Variants in ATP5F1B observed in about 807,000 individuals in gnomAD.
ATP5F1B encodes ATP synthase F1 subunit beta, also known as ATP synthase F(1) complex subunit beta, mitochondrial.
Under a neutral mutation model 45.9 loss-of-function variants are expected in ATP5F1B, and 17 were observed. That is an observed-to-expected ratio of 0.37 (90% confidence interval 0.25 to 0.56). ATP5F1B has a LOEUF of 0.56. Ranked by LOEUF, ATP5F1B falls within the 20% of genes least tolerant of loss-of-function variation. ATP5F1B has a pLI of 0.80. For synonymous variants in ATP5F1B, 218 were observed against 256.5 expected (o/e 0.85, Z 1.43); for missense variants, 387 against 673.2 (o/e 0.57, Z 4.70).
rs747376704 is a variant in ATP5F1B at position 56,640,110 on chromosome 12, G to A, written c.1157C>T (p.Ser386Leu). The A allele has an allele frequency of 5.6e-6, 9 of 1,613,988 alleles. No individual in the cohort carries two copies. Among genetic ancestry groups the A allele is most frequent in the South Asian group, 1.1e-5 (1 of 91,074 alleles). ...FAHLDATTVL[S>L]RAIAELGIYP... ...GATGCCCAGCTCAGCAATGGCACGC[G>A]ACAGTACAGTGGTAGCATCCAAATG... Residue 386 changes from serine to leucine, a missense_variant, in exon 8 of 10, where the codon TCG becomes TTG. Ser to Leu is a moderately radical substitution (Grantham distance 145). Transcript: ENST00000262030.
At position 56,644,999 on chromosome 12, in the gene ATP5F1B, G is replaced by A. The variant is rs749866737; in HGVS notation, c.311-44C>T. On this transcript the variant is annotated intron_variant, in intron 2 of 9. Transcript: ENST00000262030. ...GCAGGGTTATACATAAGGATAAATT[G>A]GTATCAAGACCTAAATCGACCAAGA... The A allele has an allele frequency of 7.4e-6, 12 of 1,613,738 alleles. No homozygotes were observed. In the East Asian group the frequency reaches 2.5e-4, roughly 33 times the overall value.
intron 7 of ATP5F1B, among the ~76,000 whole-genome samples, 179 bp from the exon 8 acceptor site, chr12:56,640,371 G>T (rs911846245): frequency 2.0e-5 from 3 of 151,982 alleles, no homozygotes; most frequent in African/African-American, 7.3e-5. Context: ...AGGACTACAG[G>T]TGCCCATCAC....
In ATP5F1B at chr12:56,645,856, A is replaced by G; in HGVS notation, c.108T>C (p.Ala36=). ...ACTTACCAGGATGGACCGCCGTCGGAGCGGCCCGCAGTAAGAGCTGAGCTG... is the reference window on the plus strand; with the variant it reads ...ACTTACCAGGATGGACCGCCGTCGGGGCGGCCCGCAGTAAGAGCTGAGCTG... ...LPPAQLLLRA[A]PTAVHPVRDY... Residue 36 remains alanine (A), a synonymous_variant, in exon 1 of 10, where the codon GCT becomes GCC. Transcript: ENST00000262030. The G allele has an allele frequency of 1.2e-6, 2 of 1,609,070 alleles. No individual in the cohort carries two copies. Among genetic ancestry groups the G allele is most frequent in the Non-Finnish European group, 8.5e-7 (1 of 1,177,980 alleles).
chr12:56,638,256 T>C lies in ATP5F1B; in HGVS notation c.*67A>G. The C allele has an allele frequency of 7.4e-7, 1 of 1,354,720 alleles. No individual in the cohort carries two copies. The highest frequency in any genetic ancestry group is 1.0e-6 in the Non-Finnish European group (1 of 954,226). The allele number at this position is 1,354,720 out of a possible 1,614,324, so 83.9% of individuals were successfully genotyped here. A position where few individuals can be genotyped will look rare whatever the true frequency, so the allele number is the denominator to read the frequency against. On this transcript the variant is annotated 3_prime_UTR_variant, in exon 10 of 10. Coordinates refer to ENST00000262030, the MANE Select transcript of ATP5F1B (RefSeq NM_001686.4). ...CTTCAATCAAGGCTCTTGTGCAGCC[T>C]ACACAGAAAAATGAAGCTTTTTGGG...
intron 7 of ATP5F1B, among the ~76,000 whole-genome samples, chr12:56,640,870 T>TAAA (rs59336396): frequency 0.019 from 1,877 of 99,470 alleles, 55 homozygotes; most frequent in African/African-American, 0.066. Flanking sequence ...GGGTCTCTAC[T>TAAA]AAAAAAAAAA....
chr12:56,644,979 G>A (rs758211885), intron 2 of ATP5F1B, 24 bp from the exon 3 acceptor site: 2 of 1,614,028 alleles, frequency 1.2e-6, no homozygotes, highest in Non-Finnish European at 1.7e-6. Flanking sequence ...GCATCGCAGG[G>A]TTATACATAA....
At position 56,643,962 on chromosome 12, in the gene ATP5F1B, TA is replaced by T; in HGVS notation, c.486-5del. Reference sequence around the variant, plus strand: ...CTCAGCATGAATGGGAGCAAATCTGTAAAGGTAGAAGAGAGGATAGTATCTA... The same window carrying T: ...CTCAGCATGAATGGGAGCAAATCTGTAAGGTAGAAGAGAGGATAGTATCTA... On this transcript the variant is annotated splice_polypyrimidine_tract_variant and splice_region_variant and intron_variant, in intron 3 of 9. Transcript: ENST00000262030. The T allele has an allele frequency of 6.2e-7, 1 of 1,613,806 alleles. No individual in the cohort carries two copies. The highest frequency in any genetic ancestry group is 8.5e-7 in the Non-Finnish European group (1 of 1,179,902).
Position 56,645,350 on chromosome 12 carries a change from C to T in ATP5F1B, c.131G>A (p.Arg44Lys). Residue 44 changes from arginine (R) to lysine (K), a missense_variant, in exon 2 of 10, where the codon AGG (arginine) becomes AAG (lysine). By Grantham distance (26) the Arg-to-Lys change is conservative. This residue lies in a region of ATP5F1B where 76 missense variants were observed against 62.0 expected (regional missense o/e 1.23). Transcript: ENST00000262030. ...AGGAGATGTTTGCGCCGCATAGTCC[C>T]TGACTAACAGACAAAAGATATTGGA... ...RAAPTAVHPV[R>K]DYAAQTSPSP... 6.2e-7 allele frequency: 1 copy of T among 1,612,714 alleles called. No individual in the cohort carries two copies. The highest frequency in any genetic ancestry group is 1.1e-5 in the South Asian group (1 of 91,028).
chr12:56,641,459 C>T (rs1368486606), intron 7 of ATP5F1B, among the ~76,000 whole-genome samples: 3 of 151,958 alleles, frequency 2.0e-5, no homozygotes, highest in Admixed American at 1.3e-4. Context: ...AGTTTAGCCA[C>T]ATTTTTACTA....
intron 7 of ATP5F1B, among the ~76,000 whole-genome samples, chr12:56,641,621 ACCT>A (rs1158597965): frequency 6.6e-6 from 1 of 151,774 alleles, no homozygotes; most frequent in Non-Finnish European, 1.5e-5. Context: ...GCTCACCACA[ACCT>A]CCTGCAACCT....
rs759557816 is a variant in ATP5F1B at position 56,645,248 on chromosome 12, C to T, written c.233G>A (p.Gly78Glu). ...GAVVDVQFDE[G>E]LPPILNALEV... ...CAGGGCATTTAGAATTGGTGGTAGT[C>T]CCTCATCAAACTGGACGTCCACCAC... Residue 78 changes from glycine (G) to glutamate (E), a missense_variant, in exon 2 of 10, where the codon GGA (glycine) becomes GAA (glutamate). Coordinates refer to ENST00000262030, the MANE Select transcript of ATP5F1B (RefSeq NM_001686.4). 10 of 1,614,122 alleles carry T rather than the reference C, an allele frequency of 6.2e-6. No homozygotes were observed. Among genetic ancestry groups the T allele is most frequent in the Admixed American group, 1.7e-5 (1 of 60,008 alleles).
At chr12:56,642,943 G>A (rs1162750712) in intron 5 of ATP5F1B, 112 bp from the exon 6 acceptor site, 7 of 1,200,734 alleles carry the variant, frequency 5.8e-6, no homozygotes, top group Non-Finnish European at 8.0e-6. Flanking sequence ...AGGTGTCAGC[G>A]TTTTTGTGTG....
chr12:56,645,678 G>A (rs1389651339), intron 1 of ATP5F1B, among the ~76,000 whole-genome samples, 159 bp downstream of exon 1: 4 of 152,198 alleles, frequency 2.6e-5, no homozygotes, highest in African/African-American at 9.7e-5. Flanking sequence ...AACCTCCTAT[G>A]GGTGTCCCAT....
intron 3 of ATP5F1B, among the ~76,000 whole-genome samples, chr12:56,644,209 T>A (rs1233111721): frequency 6.6e-6 from 1 of 152,204 alleles, no homozygotes; most frequent in Non-Finnish European, 1.5e-5. Context: ...ATTTTTCATT[T>A]TACTGAGCCT....
In ATP5F1B at chr12:56,641,962, C is replaced by G. The variant is rs567578457; in HGVS notation, c.1074+496G>C. 2.0e-5 allele frequency among the ~76,000 whole-genome samples: 3 copies of G among 152,100 alleles called. No individual in the cohort carries two copies. In the South Asian group the frequency reaches 6.3e-4, roughly 32 times the overall value. On this transcript the variant is annotated intron_variant, in intron 7 of 9. Coordinates refer to ENST00000262030, the MANE Select transcript of ATP5F1B (RefSeq NM_001686.4). ...ACTCCCCTCAGACTAGAAACCATTG[C>G]TTTGTGATCTACATTTAAATGTATA...
At chr12:56,644,979 GT>G in intron 2 of ATP5F1B, 24 bp from the exon 3 acceptor site, 1 of 1,614,146 alleles carries the variant, frequency 6.2e-7, no homozygotes, top group Non-Finnish European at 8.5e-7. Context: ...GCATCGCAGG[GT>G]TATACATAAG....
Position 56,644,676 on chromosome 12 carries a change from C to T in ATP5F1B, c.485+105G>A, listed in dbSNP as rs1219957404. 3.0e-5 allele frequency: 37 copies of T among 1,221,044 alleles called. No individual in the cohort carries two copies. In the South Asian group the frequency reaches 5.0e-4, roughly 16 times the overall value. The allele number at this position is 1,221,044 out of a possible 1,614,324, so 75.6% of individuals were successfully genotyped here. On this transcript the variant is annotated intron_variant, in intron 3 of 9. Transcript: ENST00000262030. ...GCACTGTGTGATTTTAATAATCGAA[C>T]GTATCAGAAGAAAAATTCTGCTTTA...
chr12:56,639,991 T>C lies in ATP5F1B; in HGVS notation c.1276A>G (p.Lys426Glu). Reference protein sequence around the residue: ...EHYDVARGVQKILQDYKSLQD... With the variant: ...EHYDVARGVQEILQDYKSLQD... ...AGTAATATACTCACCTGCAGGATCT[T>C]TTGCACCCCACGGGCAACATCGTAA... Residue 426 changes from lysine to glutamate, a missense_variant, in exon 8 of 10, where the codon AAG becomes GAG. Physicochemically the swap from Lys to Glu is moderately conservative, Grantham distance 56. This residue lies in a region of ATP5F1B where 154 missense variants were observed against 361.4 expected (regional missense o/e 0.43). Coordinates refer to ENST00000262030, the MANE Select transcript of ATP5F1B (RefSeq NM_001686.4). 1 of 1,613,890 alleles carries C rather than the reference T, an allele frequency of 6.2e-7. No homozygotes were observed. Among genetic ancestry groups the C allele is most frequent in the Non-Finnish European group, 8.5e-7 (1 of 1,179,954 alleles).
chr12:56,643,237 A>G (rs376710808), intron 5 of ATP5F1B, 166 bp downstream of exon 5: 61 of 559,060 alleles, frequency 1.1e-4, no homozygotes, highest in African/African-American at 8.5e-4. Context: ...GTTGGGGGGG[A>G]AAACACTAAC....
Sources: allele counts gnomAD v4.1 joint callset (sites outside exome capture counted in the v4.1 genomes callset), GRCh38; gene constraint gnomAD v4.1.1; regional missense constraint gnomAD v4.1.1; transcripts MANE v1.5; gene names NCBI Gene and HGNC (gene_info 2026-07-23, HGNC 2026-07-21).